EMC4: variants seen among roughly 807,000 people sequenced by gnomAD.
The protein encoded by EMC4 is cell proliferation-inducing gene 17 protein.
EMC4 carries 9 observed loss-of-function variants against 24.2 expected under a neutral mutation model. That is an observed-to-expected ratio of 0.37 (90% CI 0.22 to 0.65). The LOEUF is 0.65. Ranked by LOEUF, EMC4 falls within the 30% of genes least tolerant of loss-of-function variation. The pLI, the probability that EMC4 is intolerant of heterozygous loss-of-function variation, is 0.59. For synonymous variants in EMC4, 86 were observed against 81.1 expected (o/e 1.06, Z -0.32); for missense variants, 169 against 234.6 (o/e 0.72, Z 1.83).
rs1890641159 is a variant in EMC4, at chr15:34,225,959, G to A, written c.201+309G>A. On this transcript the variant is annotated intron_variant, in intron 2 of 4. Transcript: ENST00000267750. ...CTTACACCACATATCCAACTGTCAG[G>A]ATACTCTGTTGGCTTTACCTACTAC... 2 of 389,920 alleles carry A rather than the reference G, an allele frequency of 5.1e-6. 1 individual carries two copies. Among genetic ancestry groups the A allele is most frequent in the South Asian group, 4.0e-5 (2 of 50,432 alleles). 24.2% of individuals were successfully genotyped at this position (389,920 alleles called of 1,614,324 possible). A position where few individuals can be genotyped will look rare whatever the true frequency, so the allele number is the denominator to read the frequency against.
intron 2 of EMC4, chr15:34,225,931 T>C (rs1890640756): frequency 2.3e-6 from 1 of 433,066 alleles, no homozygotes; most frequent in African/African-American, 2.0e-5. Context: ...CTACTCTGGT[T>C]CCCTTACACC....
At chr15:34,229,037 TTTAA>T (rs887505243) in intron 4 of EMC4, 100 of 164,524 alleles carry the variant, frequency 6.1e-4, no homozygotes, top group African/African-American at 2.2e-3. Context: ...AGTTATTATT[TTTAA>T]TTAATTAATT....
In EMC4 at chr15:34,229,804, G is replaced by A. The variant is rs756456891; in HGVS notation, c.*16G>A. 3.1e-6 allele frequency: 5 copies of A among 1,612,342 alleles called. No homozygotes were observed. The highest frequency in any genetic ancestry group is 1.7e-5 in the Admixed American group (1 of 59,944). On this transcript the variant is annotated 3_prime_UTR_variant, in exon 5 of 5. Coordinates refer to ENST00000267750, the MANE Select transcript of EMC4 (RefSeq NM_016454.4). ...GCTTTTGTGAACATGAGAAAGCAGC[G>A]CCTGGTCCCTATGTATTTGGGTCTT...
At position 34,225,443 on chromosome 15, in the gene EMC4, T is replaced by C. The variant is rs182295807; in HGVS notation, c.87-93T>C. ...TTGGTCTAATCTGAGTAGGTGCATC[T>C]GAAGATCTTTATTCCTATGATTGGT... On this transcript the variant is annotated intron_variant, in intron 1 of 4. Coordinates refer to ENST00000267750, the MANE Select transcript of EMC4 (RefSeq NM_016454.4). The C allele has an allele frequency of 1.1e-5, 11 of 1,025,370 alleles. No homozygotes were observed. In the Admixed American group the frequency reaches 1.8e-4, roughly 17 times the overall value. 63.5% of individuals were successfully genotyped at this position (1,025,370 alleles called of 1,614,324 possible).
At position 34,227,865 on chromosome 15, in the gene EMC4, A is replaced by T; in HGVS notation, c.355+19A>T. The T allele has an allele frequency of 6.2e-7, 1 of 1,609,754 alleles. No homozygotes were observed. Among genetic ancestry groups the T allele is most frequent in the Non-Finnish European group, 8.5e-7 (1 of 1,176,284 alleles). ...TCAGCCAGTAAGTATTCTTGAAACA[A>T]TAACCCTTCCATAAGTTTGAAGAAT... On this transcript the variant is annotated intron_variant, in intron 3 of 4. Transcript: ENST00000267750.
Position 34,229,922 on chromosome 15 carries a change from G to A in EMC4, c.*134G>A. ...GAACCAAAAGACTCTTTTCTCCATG[G>A]TGGGGTGACAGGTCCTAGAAGGACA... On this transcript the variant is annotated 3_prime_UTR_variant, in exon 5 of 5. Transcript: ENST00000267750. The A allele has an allele frequency of 1.2e-6, 1 of 824,766 alleles. No homozygotes were observed. The highest frequency in any genetic ancestry group is 2.1e-6 in the Non-Finnish European group (1 of 486,502). The allele number at this position is 824,766 out of a possible 1,614,324, so 51.1% of individuals were successfully genotyped here.
chr15:34,225,839 A>G (rs561928662), intron 2 of EMC4, 189 bp downstream of exon 2: 4 of 657,708 alleles, frequency 6.1e-6, no homozygotes, highest in African/African-American at 5.3e-5. Flanking sequence ...AAAATAGAAG[A>G]TGTTTGGAAC....
chr15:34,225,522 G>GTTTGGT lies in EMC4; in HGVS notation c.87-10_87-5dup. On this transcript the variant is annotated splice_polypyrimidine_tract_variant and intron_variant, in intron 1 of 4. Coordinates refer to ENST00000267750, the MANE Select transcript of EMC4 (RefSeq NM_016454.4). ...CGGAGGTTGCAGCTTTAGTTTCTTG[G>GTTTGGT]TTTGGTTTTTTAGGGGTCGAAGTGA... 1 of 1,603,868 alleles carries GTTTGGT rather than the reference G, an allele frequency of 6.2e-7. No individual in the cohort carries two copies. The highest frequency in any genetic ancestry group is 1.1e-5 in the South Asian group (1 of 90,890).
At position 34,225,108 on chromosome 15, in the gene EMC4, T is replaced by C; in HGVS notation, c.-7T>C. ...AAGCATCGAGGCTATAGGACGCAGC[T>C]GTTGCCATGACGGCCCAGGGGGGCC... is the stretch of plus-strand genomic sequence containing the variant. On this transcript the variant is annotated 5_prime_UTR_variant, in exon 1 of 5. Coordinates refer to ENST00000267750, the MANE Select transcript of EMC4 (RefSeq NM_016454.4). 1 of 1,551,532 alleles carries C rather than the reference T, an allele frequency of 6.4e-7. No homozygotes were observed. The highest frequency in any genetic ancestry group is 1.2e-5 in the South Asian group (1 of 84,060).
Position 34,227,808 on chromosome 15 carries a change from C to A in EMC4, c.317C>A (p.Ala106Asp). The A allele has an allele frequency of 6.2e-7, 1 of 1,614,058 alleles. No homozygotes were observed. Among genetic ancestry groups the A allele is most frequent in the Non-Finnish European group, 8.5e-7 (1 of 1,179,956 alleles). Residue 106 changes from alanine to aspartate, a missense_variant, in exon 3 of 5, where the codon GCC becomes GAC. By Grantham distance (126) the Ala-to-Asp change is moderately radical. Transcript: ENST00000267750. ...IFPTMMVCMM[A>D]WRPIQALMAI... ...CCTACTATGATGGTGTGTATGATGG[C>A]CTGGCGACCCATTCAGGCACTTATG...
At chr15:34,228,352 A>C in intron 3 of EMC4, 77 bp from the exon 4 acceptor site, 1 of 1,487,390 alleles carries the variant, frequency 6.7e-7, no homozygotes, top group African/African-American at 1.4e-5. Flanking sequence ...TGTCTATATG[A>C]ATTTAATATA....
chr15:34,228,336 T>A, intron 3 of EMC4, 93 bp from the exon 4 acceptor site: 1 of 1,336,394 alleles, frequency 7.5e-7, no homozygotes, highest in East Asian at 2.3e-5. Flanking sequence ...TGTCTTACTA[T>A]GGGTCTGTCT....
chr15:34,229,309 A>T (rs1890763297), intron 4 of EMC4: 1 of 154,224 alleles, frequency 6.5e-6, no homozygotes, highest in Non-Finnish European at 1.4e-5. Context: ...CGGCCTCCCA[A>T]AGTGCTGGGA....
intron 1 of EMC4, 142 bp downstream of exon 1, chr15:34,225,342 G>A: frequency 1.2e-6 from 1 of 861,826 alleles, no homozygotes; most frequent in Non-Finnish European, 1.8e-6. Context: ...TTTCTGCCGT[G>A]GAAGTTTCTC....
intron 3 of EMC4, 66 bp downstream of exon 3, chr15:34,227,912 G>A: frequency 6.5e-7 from 1 of 1,544,908 alleles, no homozygotes; most frequent in Admixed American, 1.7e-5. Context: ...CGGGCATGGT[G>A]GCTCACGCCT....
At chr15:34,225,276 G>GTCT in intron 1 of EMC4, 76 bp downstream of exon 1, 2 of 1,271,398 alleles carry the variant, frequency 1.6e-6, no homozygotes, top group Non-Finnish European at 2.2e-6. Flanking sequence ...GAGCCCTCAG[G>GTCT]CATAACTCTG....
In EMC4 at chr15:34,225,403, A is replaced by G. The variant is rs1034500042; in HGVS notation, c.87-133A>G. 6.1e-6 allele frequency: 5 copies of G among 824,882 alleles called. No individual in the cohort carries two copies. The African/African-American group carries it at 8.5e-5, about 14-fold the overall frequency. The allele number at this position is 824,882 out of a possible 1,614,324, so 51.1% of individuals were successfully genotyped here. A position where few individuals can be genotyped will look rare whatever the true frequency, so the allele number is the denominator to read the frequency against. On this transcript the variant is annotated intron_variant, in intron 1 of 4. Transcript: ENST00000267750. The stretch of plus-strand genomic sequence containing the variant: ...CTCCTGATAAGTCAAAGGACTGAGG[A>G]ACATACGAGGGGGCTTGGTCTAATC...
chr15:34,225,137 T>A lies in EMC4; in HGVS notation c.23T>A (p.Val8Glu), dbSNP rs1253004264. 6.4e-7 allele frequency: 1 copy of A among 1,551,696 alleles called. No homozygotes were observed. The highest frequency in any genetic ancestry group is 8.7e-7 in the Non-Finnish European group (1 of 1,146,986). ...GCCATGACGGCCCAGGGGGGCCTGG[T>A]GGCTAACCGAGGCCGGCGCTTCAAG... MTAQGGL[V>E]ANRGRRFKWA... The change falls in exon 1 of 5, where the codon GTG becomes GAG. Residue 8 changes from valine to glutamate, a missense_variant. Transcript: ENST00000267750.
At position 34,229,838 on chromosome 15, in the gene EMC4, C is replaced by G; in HGVS notation, c.*50C>G. 1 of 1,594,520 alleles carries G rather than the reference C, an allele frequency of 6.3e-7. No individual in the cohort carries two copies. Among genetic ancestry groups the G allele is most frequent in the Non-Finnish European group, 8.6e-7 (1 of 1,162,182 alleles). ...CTATGTATTTGGGTCTTATTTACAT[C>G]CTTCTTTAAGCCCAGTGGCTCCTCA... On this transcript the variant is annotated 3_prime_UTR_variant, in exon 5 of 5. Coordinates refer to ENST00000267750, the MANE Select transcript of EMC4 (RefSeq NM_016454.4).
Sources: gnomAD v4.1 joint callset for allele counts on GRCh38, gnomAD v4.1.1 for gene constraint, MANE v1.5 for transcripts, NCBI Gene and HGNC (gene_info 2026-07-23, HGNC 2026-07-21) for gene names.